The following CORO2B variants were observed in gnomAD, a reference collection of about 807,000 sequenced individuals.
CORO2B encodes the protein coronin-2B.
A neutral mutation model predicts 58.8 loss-of-function variants in CORO2B; 26 were observed. That is an observed-to-expected ratio of 0.44 (90% CI 0.32 to 0.61). The LOEUF (loss-of-function observed/expected upper bound fraction) is 0.61. CORO2B is among the 20% of genes least tolerant of loss of function. The probability of loss-of-function intolerance (pLI) is 0.04; values close to 1 mark genes in which losing one functional copy is unlikely to be tolerated. For synonymous variants in CORO2B, 242 were observed against 253.8 expected, an observed-to-expected ratio of 0.95 and a Z score of 0.44; for missense variants, 460 against 645.1, an observed-to-expected ratio of 0.71 and a Z score of 3.11.
chr15:68,598,117 T>C (rs1250490678), intron 1 of CORO2B, among the ~76,000 whole-genome samples: 1 of 152,220 alleles, frequency 6.6e-6, no homozygotes, highest in Non-Finnish European at 1.5e-5. Flanking sequence ...TTCCATAGAC[T>C]TGGCTCTGAG....
intron 2 of CORO2B, among the ~76,000 whole-genome samples, chr15:68,677,571 G>A (rs909795951): frequency 6.6e-6 from 1 of 152,222 alleles, no homozygotes; most frequent in Non-Finnish European, 1.5e-5. Context: ...GGTTTTCAGG[G>A]ATTTGCTTGG....
intron 2 of CORO2B, among the ~76,000 whole-genome samples, chr15:68,683,269 AG>A (rs944584006): frequency 6.6e-6 from 1 of 152,096 alleles, no homozygotes. Context: ...TGAAGGACGA[AG>A]GCCTGTTTGG....
At chr15:68,560,757 G>A in the CORO2B span, among the ~76,000 whole-genome samples, 1 of 152,146 alleles carries the variant, frequency 6.6e-6, no homozygotes, top group African/African-American at 2.4e-5. Context: ...TGCCTTTCAG[G>A]GCCAGCTTTC....
intron 1 of CORO2B, among the ~76,000 whole-genome samples, chr15:68,638,472 G>A (rs780072544): frequency 3.3e-5 from 5 of 152,140 alleles, no homozygotes; most frequent in East Asian, 1.9e-4. Flanking sequence ...GTCCAAAGTC[G>A]TACAACTAAC....
intron 2 of CORO2B, among the ~76,000 whole-genome samples, chr15:68,689,329 G>A (rs921721759): frequency 3.3e-5 from 5 of 151,794 alleles, no homozygotes; most frequent in Admixed American, 1.3e-4. Context: ...CTGGACCTCC[G>A]AGAACCCTAC....
At position 68,645,470 on chromosome 15, in the gene CORO2B, C is replaced by G; in HGVS notation, c.216+110C>G. The G allele has an allele frequency of 2.0e-6, 2 of 1,020,468 alleles. No homozygotes were observed. Among genetic ancestry groups the G allele is most frequent in the Non-Finnish European group, 2.8e-6 (2 of 706,918 alleles). The allele number at this position is 1,020,468 out of a possible 1,614,324, so 63.2% of individuals were successfully genotyped here. ...CTTCTCTCTGAGTTCCCACCTTTTA[C>G]TTCCTCATCAAGCATCTAGTGGCTA... On this transcript the variant is annotated intron_variant, in intron 2 of 11. Transcript: ENST00000261861. This position sits in a 1 kb window ranked among gnomAD's most constrained non-coding sequence, Gnocchi z 4.5.
rs751301808 is a variant in CORO2B at position 68,719,418 on chromosome 15, G to A, written c.1177G>A (p.Val393Met). 7.4e-6 allele frequency: 12 copies of A among 1,613,666 alleles called. No individual in the cohort carries two copies. The highest frequency in any genetic ancestry group is 2.7e-5 in the African/African-American group (2 of 74,850). The change falls in exon 11 of 12, where the codon GTG becomes ATG. Residue 393 changes from valine (V) to methionine (M), a missense_variant. Transcript: ENST00000261861. ...EWLGGINRDPVLMSLKEGYKK... is the reference protein window; with the variant it reads ...EWLGGINRDPMLMSLKEGYKK... ...GTTTCCCTTGCCTTCTTTAGATCCC[G>A]TGCTGATGTCTTTGAAAGAAGGCTA...
At chr15:68,667,723 A>G (rs2140292545) in intron 2 of CORO2B, among the ~76,000 whole-genome samples, 1 of 152,306 alleles carries the variant, frequency 6.6e-6, no homozygotes, top group South Asian at 2.1e-4. Context: ...GGGAGAGTGC[A>G]CTGAAGATGG....
chr15:68,537,976 T>A, the CORO2B span, among the ~76,000 whole-genome samples: 1 of 152,236 alleles, frequency 6.6e-6, no homozygotes, highest in Non-Finnish European at 1.5e-5. Flanking sequence ...CTCTCTGGTG[T>A]GTGGCGGGGA....
In CORO2B at chr15:68,711,659, G is replaced by C. The variant is rs1489032579; in HGVS notation, c.601G>C (p.Asp201His). Residue 201 changes from aspartate (D) to histidine (H), a missense_variant, in exon 5 of 12, where the codon GAC (aspartate) becomes CAC (histidine). By Grantham distance (81) the Asp-to-His change is moderately conservative (BLOSUM62 -1). Transcript: ENST00000261861. Reference protein sequence around the residue: ...DGSLLTTTCKDKKLRVIEPRS... With the variant: ...DGSLLTTTCKHKKLRVIEPRS... ...CAGCCTGCTCACCACCACGTGCAAG[G>C]ACAAGAAGCTGCGTGTGATTGAGCC... The C allele has an allele frequency of 1.9e-6, 3 of 1,614,104 alleles. No individual in the cohort carries two copies. Among genetic ancestry groups the C allele is most frequent in the Non-Finnish European group, 2.5e-6 (3 of 1,179,986 alleles).
rs565623118 is a variant in CORO2B at position 68,675,539 on chromosome 15, C to T, written c.217-19601C>T. Among the ~76,000 whole-genome samples, 7 of 152,078 alleles carry T rather than the reference C, an allele frequency of 4.6e-5. No homozygotes were observed. The South Asian group carries it at 8.3e-4, about 18-fold the overall frequency. ...TTTGAGCTTTGCCACTTAGTTGCTG[C>T]GTGATCTTGAGCAAGACCATGAACC... On this transcript the variant is annotated intron_variant, in intron 2 of 11. Transcript: ENST00000261861.
At chr15:68,700,166 A>C (rs1892606564) in intron 3 of CORO2B, among the ~76,000 whole-genome samples, 2 of 152,136 alleles carry the variant, frequency 1.3e-5, no homozygotes, top group African/African-American at 4.8e-5. Context: ...GGAATGGTCA[A>C]CTTGCTGCTC....
intron 1 of CORO2B, among the ~76,000 whole-genome samples, chr15:68,586,674 T>A (rs1899566741): frequency 6.6e-6 from 1 of 152,190 alleles, no homozygotes; most frequent in Non-Finnish European, 1.5e-5. Flanking sequence ...AGGATGAGGC[T>A]GGTCCAGACC....
At chr15:68,681,226 ATT>A (rs61684053) in intron 2 of CORO2B, among the ~76,000 whole-genome samples, 2 of 151,384 alleles carry the variant, frequency 1.3e-5, no homozygotes, top group Non-Finnish European at 2.9e-5. Context: ...TCAAAAAAAA[ATT>A]TTTTTTTGGA....
chr15:68,642,035 C>CCT (rs1555413294), intron 1 of CORO2B, among the ~76,000 whole-genome samples: 1 of 115,978 alleles, frequency 8.6e-6, no homozygotes, highest in African/African-American at 3.4e-5. Flanking sequence ...GGCCTAGCCT[C>CCT]TTTTTTTTTT....
intron 1 of CORO2B, among the ~76,000 whole-genome samples, chr15:68,579,707 A>AACCCC (rs1292454352): frequency 1.3e-5 from 2 of 152,124 alleles, no homozygotes; most frequent in African/African-American, 2.4e-5. Context: ...GCGGAGGGGA[A>AACCCC]ACCCCACCCC....
the CORO2B span, among the ~76,000 whole-genome samples, chr15:68,555,235 G>T: frequency 7.2e-5 from 11 of 152,290 alleles, no homozygotes; most frequent in African/African-American, 2.6e-4. Flanking sequence ...TGGAGGCATG[G>T]CCCTGCCGTC....
chr15:68,544,635 C>A, the CORO2B span, among the ~76,000 whole-genome samples: 1 of 152,162 alleles, frequency 6.6e-6, no homozygotes, highest in African/African-American at 2.4e-5. Flanking sequence ...TTTTGGTCTC[C>A]ATTATGGACA....
the CORO2B span, among the ~76,000 whole-genome samples, chr15:68,532,779 C>T: frequency 2.6e-5 from 4 of 152,192 alleles, no homozygotes; most frequent in Non-Finnish European, 5.9e-5. Flanking sequence ...GGGTAAATTG[C>T]CAAAGGATTA....
Sources: gnomAD v4.1 joint callset for allele counts (sites outside exome capture counted in the v4.1 genomes callset) on GRCh38, gnomAD v4.1.1 for gene constraint, Gnocchi (gnomAD v3.1) non-coding constraint, MANE v1.5 for transcripts, NCBI Gene and HGNC (gene_info 2026-07-23, HGNC 2026-07-21) for gene names.